The following KAZN variants were observed in gnomAD, a reference collection of about 807,000 sequenced individuals.
KAZN encodes kazrin, periplakin interacting protein.
In KAZN, 40 loss-of-function variants were observed where a neutral mutation model predicts 87.4. The ratio of observed to expected loss-of-function variants is 0.46; its 90% CI spans 0.36 to 0.60. The LOEUF (loss-of-function observed/expected upper bound fraction) is 0.60. KAZN is among the 20% of genes least tolerant of loss of function. The pLI is 0.00. For missense variants in KAZN, 898 were observed against 1,073.9 expected, an observed-to-expected ratio of 0.84 and a Z score of 2.29; for synonymous variants, 466 against 458.3, an observed-to-expected ratio of 1.02 and a Z score of -0.22.
intron 1 of KAZN, among the ~76,000 whole-genome samples, chr1:14,831,837 A>C (rs1647057011): frequency 6.6e-6 from 1 of 151,818 alleles, no homozygotes; most frequent in Admixed American, 6.6e-5. Flanking sequence ...TGAAATCCTC[A>C]CTGTATTATT....
chr1:14,570,086 C>G (rs1030313848), intron 2 of KAZN, among the ~76,000 whole-genome samples: 4 of 152,078 alleles, frequency 2.6e-5, no homozygotes, highest in Admixed American at 6.5e-5. Context: ...GCACTCCAGC[C>G]TGGGTGACAG....
intron 1 of KAZN, among the ~76,000 whole-genome samples, chr1:14,017,167 A>G (rs79096624): frequency 1.1e-3 from 162 of 152,242 alleles, no homozygotes; most frequent in Non-Finnish European, 1.8e-3. Context: ...CTTTTTCTCA[A>G]TGACGTTCTG....
At chr1:14,309,208 C>A (rs749727491) in intron 2 of KAZN, among the ~76,000 whole-genome samples, 1 of 152,156 alleles carries the variant, frequency 6.6e-6, no homozygotes, top group Admixed American at 6.5e-5. Context: ...ACAGGATAAG[C>A]AACCCTTTTA....
chr1:13,944,806 T>C (rs948463624), intron 1 of KAZN, among the ~76,000 whole-genome samples: 5 of 151,918 alleles, frequency 3.3e-5, no homozygotes, highest in Non-Finnish European at 5.9e-5. Context: ...CAAGAAAAGA[T>C]AAAATAAGCA....
At chr1:14,852,498 C>T (rs1055468671) in intron 1 of KAZN, among the ~76,000 whole-genome samples, 4 of 152,222 alleles carry the variant, frequency 2.6e-5, no homozygotes, top group African/African-American at 9.6e-5. Context: ...GCCCAGCCCC[C>T]TCCCCACCTG....
chr1:14,336,679 G>T, intron 2 of KAZN, among the ~76,000 whole-genome samples: 1 of 151,962 alleles, frequency 6.6e-6, no homozygotes. Context: ...TCTCATTATG[G>T]CTTTGATTTG....
At chr1:14,995,963 G>A (rs189708270) in intron 2 of KAZN, among the ~76,000 whole-genome samples, 9 of 152,182 alleles carry the variant, frequency 5.9e-5, no homozygotes, top group Admixed American at 4.6e-4. Context: ...TGGAAAATAA[G>A]CCGGTCCGGC....
intron 1 of KAZN, among the ~76,000 whole-genome samples, chr1:14,168,815 CAG>C (rs1645888246): frequency 6.6e-6 from 1 of 152,084 alleles, no homozygotes; most frequent in Non-Finnish European, 1.5e-5. Flanking sequence ...AACAGAAGGA[CAG>C]AGCCAGTAGT....
At chr1:14,531,122 T>C (rs1890782) in intron 2 of KAZN, among the ~76,000 whole-genome samples, 22,697 of 152,172 alleles carry the variant, frequency 0.15, 2,093 homozygotes, top group Non-Finnish European at 0.2. Flanking sequence ...GGTATTTCTT[T>C]ATAGCAACAC....
At chr1:14,986,161 C>G (rs1169359708) in intron 2 of KAZN, among the ~76,000 whole-genome samples, 2 of 151,492 alleles carry the variant, frequency 1.3e-5, no homozygotes, top group African/African-American at 2.4e-5. Context: ...GCCATGAAAA[C>G]CATTAAGGAG....
chr1:14,760,030 C>A (rs1218283203), intron 1 of KAZN, among the ~76,000 whole-genome samples: 1 of 152,064 alleles, frequency 6.6e-6, no homozygotes, highest in Non-Finnish European at 1.5e-5. Flanking sequence ...TTGAAAGCAG[C>A]GCTCCCTTGC....
At chr1:13,935,840 G>C (rs1224357945) in intron 1 of KAZN, among the ~76,000 whole-genome samples, 2 of 149,268 alleles carry the variant, frequency 1.3e-5, no homozygotes, top group Admixed American at 6.8e-5. Flanking sequence ...TCTAGAATGT[G>C]GATAATTACT....
chr1:14,163,850 G>A (rs1645763413), intron 1 of KAZN, among the ~76,000 whole-genome samples: 1 of 152,128 alleles, frequency 6.6e-6, no homozygotes, highest in Non-Finnish European at 1.5e-5. Context: ...GTTAAATTCT[G>A]CCGTTACGTA....
At chr1:14,808,343 C>T (rs1208860615) in intron 1 of KAZN, among the ~76,000 whole-genome samples, 1 of 132,014 alleles carries the variant, frequency 7.6e-6, no homozygotes, top group Non-Finnish European at 1.5e-5. Context: ...TCACCCCAGG[C>T]TGGAGTGCAG....
intron 2 of KAZN, chr1:14,349,446 A>G (rs1234482935): frequency 6.6e-6 from 1 of 152,212 alleles, no homozygotes; most frequent in Non-Finnish European, 1.5e-5. Context: ...TTCTTGAAAA[A>G]TAAAATATCC....
intron 1 of KAZN, among the ~76,000 whole-genome samples, chr1:14,927,171 G>T (rs933712625): frequency 6.6e-6 from 1 of 152,224 alleles, no homozygotes; most frequent in East Asian, 1.9e-4. Flanking sequence ...CCTTCTGAAG[G>T]ACGGATCATT....
intron 1 of KAZN, among the ~76,000 whole-genome samples, chr1:14,867,724 A>ATCCCCCCC (rs35065469): frequency 5.1e-4 from 55 of 107,420 alleles, no homozygotes; most frequent in Non-Finnish European, 6.9e-4. Flanking sequence ...CTTTGAAGAC[A>ATCCCCCCC]CCCCCCCCCC....
chr1:14,285,987 C>A (rs899185388), intron 2 of KAZN, among the ~76,000 whole-genome samples: 1 of 152,182 alleles, frequency 6.6e-6, no homozygotes, highest in Non-Finnish European at 1.5e-5. Context: ...CACAGGGGCT[C>A]AAGAACTACA....
rs534913500 is a variant in KAZN, at chr1:14,688,048, C to T, written c.226+88825C>T. 3.0e-4 allele frequency among the ~76,000 whole-genome samples: 46 copies of T among 152,234 alleles called. 1 individual carries two copies. The highest frequency in any genetic ancestry group is 1.1e-3 in the African/African-American group (44 of 41,534). On this transcript the variant is annotated intron_variant, in intron 1 of 14. Coordinates refer to ENST00000376030, the MANE Select transcript of KAZN (RefSeq NM_201628.3). ...ATGCACTTCTGATATAGGAACACGCCAGTCATAGTTTGGCTCTACCCCCAC... is the reference window on the plus strand; with the variant it reads ...ATGCACTTCTGATATAGGAACACGCTAGTCATAGTTTGGCTCTACCCCCAC...
Sources: allele counts gnomAD v4.1 joint callset (sites outside exome capture counted in the v4.1 genomes callset), GRCh38; gene constraint gnomAD v4.1.1; transcripts MANE v1.5; gene names NCBI Gene and HGNC (gene_info 2026-07-23, HGNC 2026-07-21).